The following MTUS2 variants were observed in gnomAD, a reference collection of about 807,000 sequenced individuals.
The protein encoded by MTUS2 is microtubule associated scaffold protein 2.
Under a neutral mutation model 114.1 loss-of-function variants are expected in MTUS2, and 40 were observed. The observed-to-expected ratio is 0.35, with a 90% CI of 0.27 to 0.46. MTUS2 has a LOEUF of 0.46. MTUS2 is among the 20% of genes least tolerant of loss of function. The pLI is 1.00. For synonymous variants in MTUS2, 688 were observed against 672.0 expected (o/e 1.02, Z -0.37); for missense variants, 1,679 against 1,705.4 (o/e 0.98, Z 0.27).
intron 2 of MTUS2, among the ~76,000 whole-genome samples, chr13:28,956,853 C>T (rs913483921): frequency 2.6e-5 from 4 of 151,172 alleles, no homozygotes; most frequent in Non-Finnish European, 5.9e-5. Context: ...GAAGGCTGCC[C>T]TAGAGATGGG....
chr13:29,012,429 A>G (rs756383146), intron 2 of MTUS2, among the ~76,000 whole-genome samples: 1 of 152,182 alleles, frequency 6.6e-6, no homozygotes, highest in Non-Finnish European at 1.5e-5. Flanking sequence ...GAATAAGGCC[A>G]TCGGATTTGT....
intron 2 of MTUS2, among the ~76,000 whole-genome samples, chr13:28,931,085 G>GT (rs1203612889): frequency 3.3e-5 from 5 of 152,154 alleles, no homozygotes; most frequent in Non-Finnish European, 7.4e-5. Flanking sequence ...TTCACCCTCT[G>GT]TTATGGAATT....
At chr13:29,364,436 A>T (rs1870536560) in intron 8 of MTUS2, among the ~76,000 whole-genome samples, 1 of 152,140 alleles carries the variant, frequency 6.6e-6, no homozygotes, top group East Asian at 1.9e-4. Context: ...GGCCCTGGGG[A>T]ACTGTTTTTA....
At chr13:29,283,965 G>A (rs927465481) in intron 6 of MTUS2, among the ~76,000 whole-genome samples, 1 of 152,118 alleles carries the variant, frequency 6.6e-6, no homozygotes, top group African/African-American at 2.4e-5. Context: ...CATTTTTGGT[G>A]GGAATATAAA....
chr13:29,500,250 G>A (rs572689817), intron 14 of MTUS2, among the ~76,000 whole-genome samples: 1 of 152,356 alleles, frequency 6.6e-6, no homozygotes, highest in East Asian at 1.9e-4. Flanking sequence ...TGGGTGAGGT[G>A]TCTTGCTAAA....
At chr13:29,218,125 A>G (rs1895754805) in intron 5 of MTUS2, among the ~76,000 whole-genome samples, 1 of 151,888 alleles carries the variant, frequency 6.6e-6, no homozygotes, top group Non-Finnish European at 1.5e-5. Context: ...CCTCCCCGCC[A>G]AAACCAAACC....
chr13:28,838,614 G>A (rs949775575), intron 1 of MTUS2, among the ~76,000 whole-genome samples: 1 of 152,024 alleles, frequency 6.6e-6, no homozygotes, highest in Non-Finnish European at 1.5e-5. Context: ...CTTGTCCCTC[G>A]CTTGCTCTTG....
Position 29,455,611 on chromosome 13 carries a change from A to G in MTUS2, c.3184+15562A>G, listed in dbSNP as rs1190703701. 2.0e-5 allele frequency among the ~76,000 whole-genome samples: 3 copies of G among 152,214 alleles called. No homozygotes were observed. The South Asian group carries it at 6.2e-4, about 32-fold the overall frequency. On this transcript the variant is annotated intron_variant, in intron 9 of 15. Transcript: ENST00000612955. ...AACTCCCTGCAATACATCATCCACA[A>G]TGTTGAGCATGCATAAACAAAAATA...
chr13:29,398,203 A>G (rs546875302), intron 8 of MTUS2, among the ~76,000 whole-genome samples: 3 of 152,326 alleles, frequency 2.0e-5, no homozygotes, highest in East Asian at 3.9e-4. Context: ...GCTCATGCCT[A>G]TAATCCCAGC....
intron 2 of MTUS2, among the ~76,000 whole-genome samples, chr13:28,973,479 C>T (rs571040694): frequency 2.0e-5 from 3 of 152,294 alleles, no homozygotes; most frequent in African/African-American, 7.2e-5. Flanking sequence ...TACCTAAGAC[C>T]TACTGTTGGG....
At chr13:29,105,649 G>T (rs1263227607) in intron 5 of MTUS2, among the ~76,000 whole-genome samples, 16 of 96,564 alleles carry the variant, frequency 1.7e-4, no homozygotes, top group Non-Finnish European at 1.3e-4. Context: ...TTTTTCTCCT[G>T]TTTTTTTCTT....
At chr13:28,936,536 G>A (rs990349906) in intron 2 of MTUS2, among the ~76,000 whole-genome samples, 2 of 152,102 alleles carry the variant, frequency 1.3e-5, no homozygotes, top group African/African-American at 4.8e-5. Context: ...GGGACTGAGT[G>A]TCTGGTGTGG....
chr13:28,865,705 G>T (rs140545753), intron 2 of MTUS2, among the ~76,000 whole-genome samples: 16 of 152,190 alleles, frequency 1.1e-4, no homozygotes, highest in Admixed American at 1.0e-3. Flanking sequence ...CTTGTCTGGG[G>T]GTATTTCTCT....
At chr13:29,498,311 AG>A in intron 13 of MTUS2, 106 bp from the exon 14 acceptor site, 1 of 1,494,864 alleles carries the variant, frequency 6.7e-7, no homozygotes, top group South Asian at 1.3e-5. Context: ...AGTTGCCATC[AG>A]GGCGCTTGTC....
intron 9 of MTUS2, among the ~76,000 whole-genome samples, chr13:29,444,989 G>A (rs1310214005): frequency 6.6e-6 from 1 of 152,148 alleles, no homozygotes; most frequent in African/African-American, 2.4e-5. Context: ...AGCATGGAAA[G>A]TAATCCCCAG....
At chr13:29,246,004 T>G (rs1044389168) in intron 5 of MTUS2, among the ~76,000 whole-genome samples, 5 of 152,242 alleles carry the variant, frequency 3.3e-5, no homozygotes, top group Admixed American at 2.0e-4. Flanking sequence ...GCCTCATCTA[T>G]TTTAATATTA....
rs1390365067 is a variant in MTUS2 at position 29,503,632 on chromosome 13, T to A, written c.*426T>A. The A allele has an allele frequency of 4.1e-6, 1 of 246,272 alleles. No homozygotes were observed. Among genetic ancestry groups the A allele is most frequent in the Non-Finnish European group, 7.9e-6 (1 of 125,864 alleles). The allele number at this position is 246,272 out of a possible 1,614,324, so 15.3% of individuals were successfully genotyped here. ...TTTTTTATAACATGAAGTGCTGACA[T>A]ATTTTAGTGAAGGTCAGCAGTTTTC... On this transcript the variant is annotated 3_prime_UTR_variant, in exon 16 of 16. Transcript: ENST00000612955.
At chr13:29,110,813 T>C (rs1890853715) in intron 5 of MTUS2, among the ~76,000 whole-genome samples, 1 of 152,196 alleles carries the variant, frequency 6.6e-6, no homozygotes, top group Admixed American at 6.5e-5. Flanking sequence ...GTTTATAAAG[T>C]TTATAAGTGC....
At chr13:29,466,775 G>A (rs1382937228) in intron 9 of MTUS2, among the ~76,000 whole-genome samples, 1 of 151,042 alleles carries the variant, frequency 6.6e-6, no homozygotes, top group Non-Finnish European at 1.5e-5. Flanking sequence ...TACTAGGGCA[G>A]CTGGAGTGGG....
Sources: allele counts gnomAD v4.1 joint callset (sites outside exome capture counted in the v4.1 genomes callset), GRCh38; gene constraint gnomAD v4.1.1; transcripts MANE v1.5; gene names NCBI Gene and HGNC (gene_info 2026-07-23, HGNC 2026-07-21).